The following LOC400499 variants were observed in gnomAD, a reference collection of about 807,000 sequenced individuals.
chr16:11,441,271 C>T, the LOC400499 span, among the ~76,000 whole-genome samples: 8 of 152,200 alleles, frequency 5.3e-5, no homozygotes, highest in Admixed American at 5.2e-4. Flanking sequence ...TCAGTGCCTA[C>T]AGGTAAGATT....
At chr16:11,396,747 C>T in the LOC400499 span, 2,132 of 1,179,510 alleles carry the variant, frequency 1.8e-3, 2 homozygotes, top group Non-Finnish European at 2.1e-3. Context: ...TCCCCTGCAC[C>T]GAGAATGCAG....
the LOC400499 span, among the ~76,000 whole-genome samples, chr16:11,509,340 A>T: frequency 6.7e-6 from 1 of 150,206 alleles, no homozygotes. Flanking sequence ...GGATGGTCTC[A>T]ATCTCCTGAC....
At chr16:11,445,563 G>C in the LOC400499 span, among the ~76,000 whole-genome samples, 91 of 152,334 alleles carry the variant, frequency 6.0e-4, no homozygotes, top group African/African-American at 2.1e-3. Context: ...AGCTGAAGGA[G>C]AGGGTGACGG....
At chr16:11,399,567 C>A in the LOC400499 span, 1 of 398,792 alleles carries the variant, frequency 2.5e-6, no homozygotes, top group South Asian at 1.3e-4. Context: ...GCCCCGCAGG[C>A]CTGGAGGCTG....
chr16:11,458,016 A>G, the LOC400499 span, among the ~76,000 whole-genome samples: 1 of 152,216 alleles, frequency 6.6e-6, no homozygotes, highest in Non-Finnish European at 1.5e-5. Flanking sequence ...AGCCTGGCCA[A>G]CATGGTAAAA....
the LOC400499 span, among the ~76,000 whole-genome samples, chr16:11,523,880 C>G: frequency 3.1e-4 from 47 of 150,326 alleles, no homozygotes; most frequent in Non-Finnish European, 3.3e-4. Context: ...CTCCCTGCTC[C>G]TATCCATCCA....
the LOC400499 span, among the ~76,000 whole-genome samples, chr16:11,491,513 G>A: frequency 1.3e-5 from 2 of 152,174 alleles, no homozygotes; most frequent in Non-Finnish European, 2.9e-5. Context: ...GAATTGCCAT[G>A]TGGGGGAGGG....
At chr16:11,443,550 G>A in the LOC400499 span, 4 of 319,932 alleles carry the variant, frequency 1.3e-5, no homozygotes, top group African/African-American at 2.3e-5. Flanking sequence ...CTCCATAAAT[G>A]CTTGCTGAAA....
the LOC400499 span, among the ~76,000 whole-genome samples, chr16:11,428,783 C>T: frequency 1.3e-5 from 2 of 152,112 alleles, no homozygotes; most frequent in African/African-American, 2.4e-5. Flanking sequence ...TGGAGTTGCT[C>T]TGGTTTACAC....
the LOC400499 span, among the ~76,000 whole-genome samples, chr16:11,492,023 G>A: frequency 5.9e-5 from 9 of 152,074 alleles, no homozygotes; most frequent in Admixed American, 5.9e-4. Context: ...AGGTAGCAGG[G>A]GTTCACTGAC....
chr16:11,455,694 C>T, the LOC400499 span, among the ~76,000 whole-genome samples: 1 of 145,686 alleles, frequency 6.9e-6, no homozygotes, highest in Non-Finnish European at 1.5e-5. Context: ...GAGATCGTGC[C>T]ACTGCACTCC....
the LOC400499 span, among the ~76,000 whole-genome samples, chr16:11,421,040 C>G: frequency 6.6e-6 from 1 of 152,178 alleles, no homozygotes; most frequent in Non-Finnish European, 1.5e-5. Flanking sequence ...CCCCATCCAC[C>G]CTGGGCCACA....
At chr16:11,444,254 TGG>T in the LOC400499 span, among the ~76,000 whole-genome samples, 1 of 152,140 alleles carries the variant, frequency 6.6e-6, no homozygotes, top group Non-Finnish European at 1.5e-5. Context: ...TAAAATGAGC[TGG>T]GTGTGGTGGT....
the LOC400499 span, among the ~76,000 whole-genome samples, chr16:11,463,595 T>C: frequency 1.3e-5 from 2 of 152,168 alleles, no homozygotes; most frequent in African/African-American, 4.8e-5. Context: ...GAGGTGTATA[T>C]ATATGGATGC....
the LOC400499 span, among the ~76,000 whole-genome samples, chr16:11,437,117 C>T: frequency 6.6e-6 from 1 of 152,142 alleles, no homozygotes; most frequent in Non-Finnish European, 1.5e-5. Context: ...AAAGGCAAAA[C>T]CACAGATAGT....
the LOC400499 span, chr16:11,372,712 T>G: frequency 1.0e-6 from 1 of 979,000 alleles, no homozygotes; most frequent in Non-Finnish European, 1.2e-6. Context: ...TCTGGCAGCC[T>G]AGTGCTGGCA....
chr16:11,492,772 G>A, the LOC400499 span, among the ~76,000 whole-genome samples: 10 of 136,944 alleles, frequency 7.3e-5, no homozygotes, highest in African/African-American at 2.7e-4. Flanking sequence ...GTGACAGAGT[G>A]AGACTCCGTC....
the LOC400499 span, chr16:11,396,431 G>A: frequency 8.3e-7 from 1 of 1,204,540 alleles, no homozygotes; most frequent in Non-Finnish European, 1.0e-6. Flanking sequence ...AGGCAGTTGG[G>A]GGCCTGCTGG....
chr16:11,407,132 T>C, the LOC400499 span: 9 of 398,236 alleles, frequency 2.3e-5, no homozygotes, highest in African/African-American at 1.6e-4. Flanking sequence ...AATTTTTCTT[T>C]TCTCAAAGGG....
Sources: gnomAD v4.1 joint callset for allele counts (sites outside exome capture counted in the v4.1 genomes callset) on GRCh38, gnomAD v4.1.1 for gene constraint, MANE v1.5 for transcripts.